Variants in PHF6 observed in about 807,000 individuals in gnomAD.
PHF6 encodes the protein PHD-like zinc finger protein.
PHF6 carries 7 observed loss-of-function variants against 34.0 expected under a neutral mutation model. The ratio of observed to expected loss-of-function variants is 0.21; its 90% CI spans 0.12 to 0.39. The LOEUF (loss-of-function observed/expected upper bound fraction) is 0.39. Ranked by LOEUF, PHF6 falls within the 10% of genes least tolerant of loss-of-function variation. PHF6 has a pLI of 1.00. For synonymous variants in PHF6, 89 were observed against 88.4 expected (o/e 1.01, Z -0.04); for missense variants, 128 against 262.8 (o/e 0.49, Z 3.55).
intron 3 of PHF6, among the ~76,000 whole-genome samples, chrX:134,382,256 A>G (rs1011167972): frequency 1.8e-5 from 2 of 111,922 alleles, no homozygotes; most frequent in African/African-American, 6.5e-5. Context: ...AAAATTTGCC[A>G]GAGTACTAAG....
At chrX:134,405,000 G>A (rs993587503) in intron 5 of PHF6, among the ~76,000 whole-genome samples, 2 of 111,243 alleles carry the variant, frequency 1.8e-5, no homozygotes, top group Non-Finnish European at 3.8e-5. Flanking sequence ...GTGGTAGTCC[G>A]GAACCAAACC....
At chrX:134,411,881 C>T (rs1186319083) in intron 5 of PHF6, among the ~76,000 whole-genome samples, 3 of 110,976 alleles carry the variant, frequency 2.7e-5, no homozygotes, top group Middle Eastern at 4.6e-3. Context: ...TACAGGTGTG[C>T]GCCACCACAC....
chrX:134,394,544 T>G (rs1303170565), intron 5 of PHF6, among the ~76,000 whole-genome samples: 1 of 102,264 alleles, frequency 9.8e-6, no homozygotes, highest in Admixed American at 1.0e-4. Context: ...TTTCTTTGTG[T>G]TTTTTTTTTT....
intron 8 of PHF6, among the ~76,000 whole-genome samples, chrX:134,416,739 T>TAG (rs1344746026): frequency 1.8e-5 from 2 of 112,249 alleles, no homozygotes; most frequent in Non-Finnish European, 3.8e-5. Context: ...TCAGCCCCTT[T>TAG]AGTCTCCCTC....
In PHF6 at chrX:134,378,301, T is replaced by C. The variant is rs188072825; in HGVS notation, c.240+195T>C. 2.6e-3 allele frequency among the ~76,000 whole-genome samples: 290 copies of C among 110,981 alleles called. 1 individual carries two copies. The highest frequency in any genetic ancestry group is 4.7e-3 in the Non-Finnish European group (250 of 52,962). ...TTACCACTCAACAAAAAGGAATGAGTCAATATTTATACTATTCAATTTTTT... is the reference window on the plus strand; with the variant it reads ...TTACCACTCAACAAAAAGGAATGAGCCAATATTTATACTATTCAATTTTTT... On this transcript the variant is annotated intron_variant, in intron 3 of 10. Transcript: ENST00000370803.
intron 3 of PHF6, among the ~76,000 whole-genome samples, chrX:134,381,124 G>A (rs765532649): frequency 2.4e-4 from 27 of 110,590 alleles, no homozygotes; most frequent in Non-Finnish European, 4.4e-4. Flanking sequence ...CCCAAAGTGC[G>A]GGGATTCCAG....
At chrX:134,406,062 T>TTC (rs1556017614) in intron 5 of PHF6, among the ~76,000 whole-genome samples, 173 of 78,059 alleles carry the variant, frequency 2.2e-3, no homozygotes, top group African/African-American at 7.6e-3. Flanking sequence ...TCCTTTTTCT[T>TTC]TTTCTTTCTT....
rs2077512912 is a variant in PHF6, at chrX:134,428,041, A to T, written c.*2381A>T. On this transcript the variant is annotated 3_prime_UTR_variant, in exon 11 of 11. Coordinates refer to ENST00000370803, the MANE Select transcript of PHF6 (RefSeq NM_001015877.2). The stretch of plus-strand genomic sequence containing the variant: ...TTGATAAGTATATAACATTTACATC[A>T]TTTCAAAAAATACTGCCGTTACTGT... 1 of 155,225 alleles carries T rather than the reference A, an allele frequency of 6.4e-6. No homozygotes were observed. The highest frequency in any genetic ancestry group is 8.5e-5 in the Admixed American group (1 of 11,801). The allele number at this position is 155,225 out of a possible 1,213,427, so 12.8% of individuals were successfully genotyped here.
chrX:134,405,239 G>A (rs1197725083), intron 5 of PHF6, among the ~76,000 whole-genome samples: 2 of 111,395 alleles, frequency 1.8e-5, no homozygotes, highest in African/African-American at 6.5e-5. Context: ...GTCTCATTCT[G>A]TCGCCCAGAC....
intron 5 of PHF6, among the ~76,000 whole-genome samples, chrX:134,399,474 G>A (rs1163643737): frequency 9.0e-6 from 1 of 111,168 alleles, no homozygotes; most frequent in African/African-American, 3.3e-5. Context: ...ATAGTAACAC[G>A]GGTAAGCCTC....
chrX:134,373,337 C>T lies in PHF6; in HGVS notation c.-177C>T, dbSNP rs1023760600. 8.9e-6 allele frequency: 1 copy of T among 112,795 alleles called. No homozygotes were observed. Among genetic ancestry groups the T allele is most frequent in the Non-Finnish European group, 1.9e-5 (1 of 53,311 alleles). 9.3% of individuals were successfully genotyped at this position (112,795 alleles called of 1,213,427 possible). Reference sequence around the variant, plus strand: ...AAGGGCGCTCCGCGAGCCCGTCTCTCCTCGAATGAAAGGAAACAACCTCCG... The same window carrying T: ...AAGGGCGCTCCGCGAGCCCGTCTCTTCTCGAATGAAAGGAAACAACCTCCG... On this transcript the variant is annotated 5_prime_UTR_variant, in exon 1 of 11. Coordinates refer to ENST00000370803, the MANE Select transcript of PHF6 (RefSeq NM_001015877.2).
chrX:134,418,162 G>A (rs912826723), intron 9 of PHF6: 7 of 111,323 alleles, frequency 6.3e-5, no homozygotes, highest in Non-Finnish European at 1.1e-4. Flanking sequence ...CAAGAGCCCC[G>A]GGTGAGACAG....
chrX:134,385,093 A>G (rs1446525036), intron 3 of PHF6, among the ~76,000 whole-genome samples: 1 of 111,740 alleles, frequency 8.9e-6, no homozygotes, highest in African/African-American at 3.3e-5. Context: ...CTTACTGCAT[A>G]CAATATAATG....
At position 134,384,195 on chromosome X, in the gene PHF6, G is replaced by T. The variant is rs1399321675; in HGVS notation, c.240+6089G>T. Among the ~76,000 whole-genome samples the T allele has an allele frequency of 2.7e-5, 3 of 111,369 alleles. No individual in the cohort carries two copies. In the Admixed American group the frequency reaches 2.9e-4, roughly 11 times the overall value. On this transcript the variant is annotated intron_variant, in intron 3 of 10. Coordinates refer to ENST00000370803, the MANE Select transcript of PHF6 (RefSeq NM_001015877.2). ...CTTACCTATTGAGATAGTTCAGACT[G>T]CTTCCTAGAGCTGGTAAGGTTAAAA...
In PHF6 at chrX:134,400,274, C is replaced by T. The variant is rs1289185389; in HGVS notation, c.418+6322C>T. ...TTTTTACATTTTTTATTTGTAGAAA[C>T]GGGGTCTTGCCACATTGGCCAGGCT... On this transcript the variant is annotated intron_variant, in intron 5 of 10. Transcript: ENST00000370803. Among the ~76,000 whole-genome samples, 3 of 109,325 alleles carry T rather than the reference C, an allele frequency of 2.7e-5. No individual in the cohort carries two copies. The Admixed American group carries it at 3.0e-4, about 11-fold the overall frequency. The allele number at this position is 109,325 out of a possible 115,157, so 94.9% of individuals were successfully genotyped here.
chrX:134,407,838 C>T (rs2077431982), intron 5 of PHF6, among the ~76,000 whole-genome samples: 1 of 111,141 alleles, frequency 9.0e-6, no homozygotes, highest in South Asian at 3.9e-4. Context: ...GGTGGGAGGT[C>T]AGGAGGTCAG....
chrX:134,407,610 G>A (rs776526847), intron 5 of PHF6, among the ~76,000 whole-genome samples: 30 of 112,477 alleles, frequency 2.7e-4, no homozygotes, highest in Non-Finnish European at 5.1e-4. Context: ...TTTAAAAAAC[G>A]TGCATATGCA....
intron 3 of PHF6, among the ~76,000 whole-genome samples, chrX:134,383,600 G>T (rs758980750): frequency 2.7e-5 from 3 of 111,707 alleles, no homozygotes; most frequent in Non-Finnish European, 5.6e-5. Flanking sequence ...GCTAACATTT[G>T]TTAGACACTT....
chrX:134,404,229 T>G (rs756624155), intron 5 of PHF6, among the ~76,000 whole-genome samples: 4 of 112,200 alleles, frequency 3.6e-5, no homozygotes, highest in African/African-American at 1.3e-4. Context: ...GGTCAACATA[T>G]CGATGTTAAC....
Sources: allele counts gnomAD v4.1 joint callset (sites outside exome capture counted in the v4.1 genomes callset), GRCh38; gene constraint gnomAD v4.1.1; transcripts MANE v1.5; gene names NCBI Gene and HGNC (gene_info 2026-07-23, HGNC 2026-07-21).